The following PLCB4 variants were observed in gnomAD, a reference collection of about 807,000 sequenced individuals.
PLCB4 encodes phospholipase C beta 4.
A neutral mutation model predicts 178.8 loss-of-function variants in PLCB4; 77 were observed. That is an observed-to-expected ratio of 0.43 (90% CI 0.36 to 0.52). PLCB4 has a LOEUF of 0.52. Ranked by LOEUF, PLCB4 falls within the 20% of genes least tolerant of loss-of-function variation. The pLI is 0.00. For synonymous variants in PLCB4, 496 were observed against 490.8 expected, an observed-to-expected ratio of 1.01 and a Z score of -0.14; for missense variants, 1,024 against 1,453.4, an observed-to-expected ratio of 0.70 and a Z score of 4.80.
At chr20:9,383,005 T>C (rs1221784214) in intron 13 of PLCB4, among the ~76,000 whole-genome samples, 1 of 152,232 alleles carries the variant, frequency 6.6e-6, no homozygotes, top group Non-Finnish European at 1.5e-5. Flanking sequence ...TATATTCATA[T>C]ATGGACTTCT....
chr20:9,215,562 C>T (rs2093721264), intron 2 of PLCB4, among the ~76,000 whole-genome samples: 1 of 152,062 alleles, frequency 6.6e-6, no homozygotes, highest in Non-Finnish European at 1.5e-5. Flanking sequence ...GCTGTGTATT[C>T]CCTAATTCTG....
rs577725986 is a variant in PLCB4 at position 9,378,426 on chromosome 20, T to A, written c.745-1628T>A. Among the ~76,000 whole-genome samples the A allele has an allele frequency of 9.5e-4, 145 of 152,248 alleles. 1 individual carries two copies. Among genetic ancestry groups the A allele is most frequent in the Non-Finnish European group, 3.7e-4 (25 of 68,008 alleles). On this transcript the variant is annotated intron_variant, in intron 12 of 39. Transcript: ENST00000378473. ...GTGCCTAGAAAGATGGGTTTGTTGT[T>A]GTTGTCAGTTTGTTTGTTTTTAAAA...
intron 3 of PLCB4, among the ~76,000 whole-genome samples, chr20:9,278,541 C>A (rs1601579959): frequency 6.6e-6 from 1 of 151,990 alleles, no homozygotes; most frequent in Non-Finnish European, 1.5e-5. Flanking sequence ...ATTAATTTAT[C>A]CATGGTTACT....
chr20:9,433,093 A>G (rs2041537725), intron 28 of PLCB4, among the ~76,000 whole-genome samples: 1 of 152,168 alleles, frequency 6.6e-6, no homozygotes, highest in South Asian at 2.1e-4. Context: ...AAGTATTGCC[A>G]TGAGAATCAC....
intron 2 of PLCB4, among the ~76,000 whole-genome samples, chr20:9,149,195 C>T (rs369316350): frequency 4.6e-5 from 7 of 152,268 alleles, no homozygotes; most frequent in African/African-American, 1.7e-4. Flanking sequence ...CTCTTCCAAT[C>T]AGCTCTCACC....
rs1452653989 is a variant in PLCB4 at position 9,419,919 on chromosome 20, C to T, written c.2154+10C>T. On this transcript the variant is annotated intron_variant, in intron 26 of 39. Coordinates refer to ENST00000378473, the MANE Select transcript of PLCB4 (RefSeq NM_001377142.1). ...CACTTGCTCAGTGCAGGTAAGGCCC[C>T]TGCTCATCACAAGGTAGTATAAATG... The T allele has an allele frequency of 6.6e-7, 1 of 1,523,842 alleles. No individual in the cohort carries two copies. Among genetic ancestry groups the T allele is most frequent in the Non-Finnish European group, 9.1e-7 (1 of 1,097,830 alleles). The allele number at this position is 1,523,842 out of a possible 1,614,324, so 94.4% of individuals were successfully genotyped here.
At chr20:9,252,540 A>AT (rs1431294491) in intron 3 of PLCB4, among the ~76,000 whole-genome samples, 5 of 152,112 alleles carry the variant, frequency 3.3e-5, no homozygotes, top group African/African-American at 7.2e-5. Context: ...ACAGGCATTC[A>AT]TTTTTTTAAT....
At chr20:9,143,796 A>G (rs1288670280) in intron 2 of PLCB4, among the ~76,000 whole-genome samples, 1 of 152,132 alleles carries the variant, frequency 6.6e-6, no homozygotes, top group African/African-American at 2.4e-5. Context: ...CAGCATTGGC[A>G]AGAAATGCAG....
chr20:9,254,024 T>C (rs1225517718), intron 3 of PLCB4, among the ~76,000 whole-genome samples: 1 of 152,234 alleles, frequency 6.6e-6, no homozygotes, highest in Non-Finnish European at 1.5e-5. Flanking sequence ...TTCATGTCCC[T>C]TGGGCTCAAG....
intron 35 of PLCB4, among the ~76,000 whole-genome samples, chr20:9,468,031 G>A (rs1055237799): frequency 1.3e-5 from 2 of 152,036 alleles, no homozygotes; most frequent in African/African-American, 4.8e-5. Flanking sequence ...TCATTCCTGT[G>A]GCTGATAGAA....
intron 2 of PLCB4, among the ~76,000 whole-genome samples, chr20:9,138,476 G>A (rs1241227115): frequency 6.6e-6 from 1 of 151,958 alleles, no homozygotes; most frequent in Admixed American, 6.6e-5. Flanking sequence ...TTTTAATTCA[G>A]GAGCATCTCA....
At position 9,256,753 on chromosome 20, in the gene PLCB4, A is replaced by G. The variant is rs186641780; in HGVS notation, c.-16+39301A>G. 2.6e-5 allele frequency among the ~76,000 whole-genome samples: 4 copies of G among 152,314 alleles called. No individual in the cohort carries two copies. In the East Asian group the frequency reaches 7.7e-4, roughly 29 times the overall value. On this transcript the variant is annotated intron_variant, in intron 3 of 39. Transcript: ENST00000378473. The stretch of plus-strand genomic sequence containing the variant: ...CATCTGAGTTGGAAAATTAAATAAC[A>G]TTATTCACATTTTTATGTAAATGTT...
At chr20:9,403,963 C>T (rs2039237718) in intron 20 of PLCB4, among the ~76,000 whole-genome samples, 1 of 152,152 alleles carries the variant, frequency 6.6e-6, no homozygotes, top group African/African-American at 2.4e-5. Context: ...AGGGTGGTGA[C>T]ACTGGATCAC....
chr20:9,114,641 T>G (rs1175733402), intron 2 of PLCB4, among the ~76,000 whole-genome samples: 1 of 152,176 alleles, frequency 6.6e-6, no homozygotes, highest in Non-Finnish European at 1.5e-5. Context: ...GGAGGAAGAC[T>G]ATCAAGTTCT....
At chr20:9,154,176 T>A (rs1201828037) in intron 2 of PLCB4, among the ~76,000 whole-genome samples, 1 of 152,128 alleles carries the variant, frequency 6.6e-6, no homozygotes. Flanking sequence ...AAGAAAGGAA[T>A]CCTTTTAGTT....
At chr20:9,235,894 T>C (rs1036377861) in intron 3 of PLCB4, among the ~76,000 whole-genome samples, 4 of 152,356 alleles carry the variant, frequency 2.6e-5, no homozygotes, top group Non-Finnish European at 4.4e-5. Flanking sequence ...CAGGCTGTGA[T>C]TGTCTTTATC....
intron 3 of PLCB4, among the ~76,000 whole-genome samples, chr20:9,271,016 C>T (rs543817739): frequency 2.4e-4 from 36 of 152,208 alleles, no homozygotes; most frequent in African/African-American, 8.7e-4. Context: ...TTATTATTTG[C>T]AGCAGGAGAA....
intron 12 of PLCB4, 110 bp from the exon 13 acceptor site, chr20:9,379,944 T>C: frequency 1.7e-6 from 1 of 575,404 alleles, no homozygotes; most frequent in South Asian, 2.4e-5. Flanking sequence ...TTTGTAATTA[T>C]AAACATGACA....
chr20:9,273,719 T>TGTGTGG (rs11474303), intron 3 of PLCB4, among the ~76,000 whole-genome samples: 1 of 148,992 alleles, frequency 6.7e-6, no homozygotes. Context: ...TGTGTGTGTG[T>TGTGTGG]CTGTTTGGAG....
Sources: allele counts gnomAD v4.1 joint callset (sites outside exome capture counted in the v4.1 genomes callset), GRCh38; gene constraint gnomAD v4.1.1; transcripts MANE v1.5; gene names NCBI Gene and HGNC (gene_info 2026-07-23, HGNC 2026-07-21).